The following CD163L1 variants were observed in gnomAD, a reference collection of about 807,000 sequenced individuals.
CD163L1 encodes CD163 molecule like 1, also known as scavenger receptor cysteine-rich type 1 protein M160.
CD163L1 carries 124 observed loss-of-function variants against 165.4 expected under a neutral mutation model. The observed-to-expected ratio is 0.75, with a 90% CI of 0.65 to 0.87. CD163L1 has a LOEUF of 0.87. CD163L1 is among the 40% of genes least tolerant of loss of function. CD163L1 has a pLI of 0.00. For synonymous variants in CD163L1, 585 were observed against 662.2 expected (o/e 0.88, Z 1.79); for missense variants, 1,525 against 1,799.9 (o/e 0.85, Z 2.76).
At chr12:7,341,236 C>T in the CD163L1 span, among the ~76,000 whole-genome samples, 1 of 152,030 alleles carries the variant, frequency 6.6e-6, no homozygotes, top group Non-Finnish European at 1.5e-5. Context: ...TATTTATTTT[C>T]TGTTTGTTAT....
chr12:7,432,362 T>C lies in CD163L1; in HGVS notation c.766+54A>G. On this transcript the variant is annotated intron_variant, in intron 4 of 19. Transcript: ENST00000313599. The surrounding 1 kb of genome is among the most constrained non-coding windows in gnomAD (Gnocchi z 4.2). ...TGATTGACCTTTTTCTTTCCATACA[T>C]ACTGTTTCTAAACAAATTGTTCCTT... 7.5e-6 allele frequency: 10 copies of C among 1,341,100 alleles called. No individual in the cohort carries two copies. The highest frequency in any genetic ancestry group is 2.3e-5 in the East Asian group (1 of 43,434). The allele number at this position is 1,341,100 out of a possible 1,614,324, so 83.1% of individuals were successfully genotyped here.
chr12:7,422,107 T>A (rs1032060736), intron 4 of CD163L1, among the ~76,000 whole-genome samples: 4 of 152,016 alleles, frequency 2.6e-5, no homozygotes, highest in Admixed American at 6.6e-5. Flanking sequence ...GGCAGCAATA[T>A]TTGCCGTTCT....
chr12:7,369,495 A>T lies in CD163L1; in HGVS notation c.3901T>A (p.Phe1301Ile). 1 of 1,614,118 alleles carries T rather than the reference A, an allele frequency of 6.2e-7. No homozygotes were observed. Among genetic ancestry groups the T allele is most frequent in the Non-Finnish European group, 8.5e-7 (1 of 1,180,004 alleles). The part of the protein sequence containing the change: ...SALAALRDAS[F>I]GQGTGTIWLD... ...CAGATGGTTCCAGTTCCCTGGCCAA[A>T]CGAAGCGTCCCTCAGGGCAGCCAGA... is the stretch of plus-strand genomic sequence containing the variant. The change falls in exon 15 of 20, where the codon TTT (phenylalanine) becomes ATT (isoleucine). Residue 1301 changes from phenylalanine (F) to isoleucine (I), a missense_variant. Phe to Ile is a conservative substitution (Grantham distance 21). Coordinates refer to ENST00000313599, the MANE Select transcript of CD163L1 (RefSeq NM_174941.6). The surrounding 1 kb of genome is among the most constrained non-coding windows in gnomAD (Gnocchi z 4.9).
intron 4 of CD163L1, among the ~76,000 whole-genome samples, chr12:7,424,285 T>C (rs1433017936): frequency 3.8e-5 from 1 of 26,586 alleles, no homozygotes; most frequent in Non-Finnish European, 8.8e-5. Context: ...CATCCCTTCA[T>C]GGTAAAAAAA....
At position 7,375,979 on chromosome 12, in the gene CD163L1, G is replaced by T; in HGVS notation, c.2407C>A (p.Pro803Thr). The T allele has an allele frequency of 1.9e-6, 3 of 1,614,150 alleles. No homozygotes were observed. Among genetic ancestry groups the T allele is most frequent in the Non-Finnish European group, 1.7e-6 (2 of 1,180,032 alleles). ...RQPRLVGADMPCSGRVEVKHA... is the reference protein window; with the variant it reads ...RQPRLVGADMTCSGRVEVKHA... ...TTCACTTCAACACGTCCAGAGCAGG[G>T]CATATCAGCTCCAACCAGCCTGGGC... The change falls in exon 10 of 20, where the codon CCC (proline) becomes ACC (threonine). Residue 803 changes from proline (P) to threonine (T), a missense_variant. Transcript: ENST00000313599.
In CD163L1 at chr12:7,396,403, C is replaced by T; in HGVS notation, c.1742G>A (p.Trp581Ter). ...VIVTCSGDAT[W>*]GLRLVGGSNR... Reference sequence around the variant, plus strand: ...GCTGCCGCCCACCAGCCTCAGGCCCCATGTTGCATCACCTGCACCAAGAAC... The same window carrying T: ...GCTGCCGCCCACCAGCCTCAGGCCCTATGTTGCATCACCTGCACCAAGAAC... The change falls in exon 8 of 20, where the codon TGG becomes TAG. Residue 581 changes from tryptophan to a stop codon, truncating the protein, a stop_gained. Transcript: ENST00000313599. LOFTEE classifies it high-confidence loss of function. 1 of 1,605,756 alleles carries T rather than the reference C, an allele frequency of 6.2e-7. No individual in the cohort carries two copies. Among genetic ancestry groups the T allele is most frequent in the East Asian group, 2.2e-5 (1 of 44,488 alleles).
chr12:7,331,052 C>T, the CD163L1 span, among the ~76,000 whole-genome samples: 53 of 152,318 alleles, frequency 3.5e-4, 1 homozygote, highest in African/African-American at 9.4e-4. Context: ...AAAGGGGTGA[C>T]GGATGGCACC....
intron 19 of CD163L1, among the ~76,000 whole-genome samples, chr12:7,356,337 A>G (rs1223286395): frequency 6.6e-6 from 1 of 152,128 alleles, no homozygotes; most frequent in Non-Finnish European, 1.5e-5. Flanking sequence ...TATTATCTAA[A>G]TGGTTTTTGT....
At chr12:7,428,710 T>C (rs1427570387) in intron 4 of CD163L1, among the ~76,000 whole-genome samples, 1 of 152,112 alleles carries the variant, frequency 6.6e-6, no homozygotes, top group Non-Finnish European at 1.5e-5. Context: ...TCATTACTAC[T>C]TGCTTTCAAC....
chr12:7,327,540 T>C, the CD163L1 span, among the ~76,000 whole-genome samples: 1 of 152,210 alleles, frequency 6.6e-6, no homozygotes, highest in Admixed American at 6.5e-5. Flanking sequence ...TATGGAATCT[T>C]TCCTGAAACC....
In CD163L1 at chr12:7,369,250, A is replaced by G. The variant is rs1452770316; in HGVS notation, c.4039+107T>C. 3.2e-6 allele frequency: 4 copies of G among 1,236,916 alleles called. No individual in the cohort carries two copies. Among genetic ancestry groups the G allele is most frequent in the Non-Finnish European group, 2.3e-6 (2 of 881,020 alleles). The allele number at this position is 1,236,916 out of a possible 1,614,324, so 76.6% of individuals were successfully genotyped here. On this transcript the variant is annotated intron_variant, in intron 15 of 19. Transcript: ENST00000313599. The surrounding 1 kb of genome is among the most constrained non-coding windows in gnomAD (Gnocchi z 4.9). ...GTTTAACATAGCCTTTCATTCTTCA[A>G]CAAGAAATCCTAGTATCTTCAGCTC...
intron 4 of CD163L1, among the ~76,000 whole-genome samples, chr12:7,349,182 A>G (rs1284879671): frequency 6.6e-6 from 1 of 152,228 alleles, no homozygotes; most frequent in African/African-American, 2.4e-5. Flanking sequence ...ATCAGAAATT[A>G]CTTTCTTATC....
the CD163L1 span, among the ~76,000 whole-genome samples, chr12:7,320,017 C>G: frequency 6.6e-6 from 1 of 152,198 alleles, no homozygotes; most frequent in East Asian, 1.9e-4. Context: ...AAACATCATA[C>G]TTTATCTGTG....
chr12:7,343,382 A>C (rs1289701286), downstream of CD163L1, among the ~76,000 whole-genome samples: 1 of 152,216 alleles, frequency 6.6e-6, no homozygotes. Flanking sequence ...TTACATTGCT[A>C]CAAAGAAATA....
At chr12:7,426,327 G>A (rs759541981) in intron 4 of CD163L1, among the ~76,000 whole-genome samples, 8 of 151,578 alleles carry the variant, frequency 5.3e-5, no homozygotes, top group Non-Finnish European at 7.4e-5. Context: ...GCATTAGGAC[G>A]AATACCTAAT....
chr12:7,441,095 T>A, intron 2 of CD163L1, 59 bp downstream of exon 2: 1 of 1,186,086 alleles, frequency 8.4e-7, no homozygotes, highest in Non-Finnish European at 1.3e-6. Context: ...GGGTAGTGAG[T>A]AGGGGAAAGG....
At chr12:7,391,859 A>G (rs750504513) in intron 8 of CD163L1, among the ~76,000 whole-genome samples, 38 of 152,352 alleles carry the variant, frequency 2.5e-4, no homozygotes, top group African/African-American at 8.9e-4. Context: ...GGATCAATTC[A>G]ACAAGAAGAG....
intron 11 of CD163L1, 112 bp downstream of exon 11, chr12:7,375,169 C>T: frequency 9.8e-7 from 1 of 1,024,886 alleles, no homozygotes; most frequent in Non-Finnish European, 1.4e-6. Context: ...TCATGCCTAT[C>T]CCCCCTCCAC....
chr12:7,393,891 CTA>C (rs1388791359), intron 8 of CD163L1, among the ~76,000 whole-genome samples: 12 of 152,056 alleles, frequency 7.9e-5, no homozygotes, highest in Admixed American at 7.9e-4. Context: ...TCAAGGAGAA[CTA>C]CAAACCACTG....
Sources: gnomAD v4.1 joint callset for allele counts (sites outside exome capture counted in the v4.1 genomes callset) on GRCh38, gnomAD v4.1.1 for gene constraint, Gnocchi (gnomAD v3.1) non-coding constraint, MANE v1.5 for transcripts, NCBI Gene and HGNC (gene_info 2026-07-23, HGNC 2026-07-21) for gene names.